ABR: variants seen among roughly 807,000 people sequenced by gnomAD.
ABR encodes ABR activator of RhoGEF and GTPase, also known as active breakpoint cluster region-related protein.
ABR carries 35 observed loss-of-function variants against 107.2 expected under a neutral mutation model. That is an observed-to-expected ratio of 0.33 (90% CI 0.25 to 0.43). The LOEUF (loss-of-function observed/expected upper bound fraction) is 0.43. Ranked by LOEUF, ABR falls within the 20% of genes least tolerant of loss-of-function variation. The pLI is 1.00. For missense variants in ABR, 815 were observed against 1,115.2 expected (o/e 0.73, Z 3.83); for synonymous variants, 498 against 462.0 (o/e 1.08, Z -1.00).
At chr17:1,054,055 G>A (rs1238978722) in intron 14 of ABR, among the ~76,000 whole-genome samples, 1 of 152,186 alleles carries the variant, frequency 6.6e-6, no homozygotes, top group African/African-American at 2.4e-5. Context: ...GCCGGAAGAC[G>A]TGGATTCTGC....
chr17:1,086,242 G>C (rs1026126639), intron 4 of ABR, among the ~76,000 whole-genome samples: 1 of 152,204 alleles, frequency 6.6e-6, no homozygotes, highest in Non-Finnish European at 1.5e-5. Flanking sequence ...GGAGCAAATG[G>C]CCTATGTGTG....
intron 6 of ABR, among the ~76,000 whole-genome samples, chr17:1,076,439 C>A (rs2035714537): frequency 2.0e-5 from 3 of 152,064 alleles, no homozygotes; most frequent in Admixed American, 6.6e-5. Flanking sequence ...CACTGGAGAA[C>A]CCCAGAGACC....
intron 16 of ABR, among the ~76,000 whole-genome samples, chr17:1,042,754 C>T (rs1033729741): frequency 2.6e-5 from 4 of 151,400 alleles, no homozygotes; most frequent in East Asian, 2.0e-4. Context: ...CATTCACGGA[C>T]GGATGGATGG....
chr17:1,050,294 G>A lies in ABR; in HGVS notation c.1660-113C>T. On this transcript the variant is annotated intron_variant, in intron 15 of 22. Transcript: ENST00000302538. The surrounding 1 kb of genome is among the most constrained non-coding windows in gnomAD (Gnocchi z 4.6). ...GGAGGGAGTAAGCACGGCCCACGAA[G>A]GACACGTCAGATTTTCTGGAGCTCC... 1.5e-6 allele frequency: 2 copies of A among 1,366,240 alleles called. No homozygotes were observed. The highest frequency in any genetic ancestry group is 1.4e-5 in the South Asian group (1 of 72,492). The allele number at this position is 1,366,240 out of a possible 1,614,324, so 84.6% of individuals were successfully genotyped here.
intron 1 of ABR, among the ~76,000 whole-genome samples, chr17:1,208,485 C>G (rs1387818797): frequency 6.6e-6 from 1 of 152,222 alleles, no homozygotes; most frequent in Admixed American, 6.5e-5. Flanking sequence ...AGAGCCACAT[C>G]TGTGGCAGAG....
chr17:1,179,796 G>T lies in ABR; in HGVS notation c.-69C>A. ...GCGCAACAAAGGAGGGAGAGCGGGC[G>T]GGAGCCGGGGGAGGCCGAAGTTGCG... On this transcript the variant is annotated 5_prime_UTR_variant, in exon 1 of 23. Coordinates refer to ENST00000302538, the MANE Select transcript of ABR (RefSeq NM_021962.5). This position sits in a 1 kb window ranked among gnomAD's most constrained non-coding sequence, Gnocchi z 4.9. 7.8e-6 allele frequency: 5 copies of T among 642,218 alleles called. 1 individual carries two copies. Among genetic ancestry groups the T allele is most frequent in the South Asian group, 4.0e-5 (2 of 49,748 alleles). The allele number at this position is 642,218 out of a possible 1,614,324, so 39.8% of individuals were successfully genotyped here.
At chr17:1,140,834 C>T (rs184452996) in intron 1 of ABR, among the ~76,000 whole-genome samples, 2 of 152,012 alleles carry the variant, frequency 1.3e-5, no homozygotes, top group African/African-American at 2.4e-5. Flanking sequence ...CCGCCCACCT[C>T]GGCTTCCCAA....
chr17:1,018,254 G>A (rs371054376), intron 16 of ABR, among the ~76,000 whole-genome samples: 1 of 151,480 alleles, frequency 6.6e-6, no homozygotes, highest in Non-Finnish European at 1.5e-5. Context: ...GTGTTAGCCA[G>A]GATGGTCTTG....
intron 1 of ABR, among the ~76,000 whole-genome samples, chr17:1,135,730 G>T (rs1406480707): frequency 6.6e-6 from 1 of 152,140 alleles, no homozygotes; most frequent in South Asian, 2.1e-4. Flanking sequence ...ACAAAAATCA[G>T]CTGGGCTTGG....
At chr17:1,028,027 C>T (rs979504495) in intron 16 of ABR, among the ~76,000 whole-genome samples, 10 of 151,950 alleles carry the variant, frequency 6.6e-5, no homozygotes, top group African/African-American at 1.9e-4. Flanking sequence ...AAGGAATAAA[C>T]GACAGGCTCT....
intron 2 of ABR, chr17:1,109,162 C>T (rs1014071583): frequency 1.4e-6 from 2 of 1,413,816 alleles, no homozygotes; most frequent in Non-Finnish European, 1.9e-6. Context: ...GGAGGGGGGG[C>T]AGGTCTACAC....
intron 1 of ABR, among the ~76,000 whole-genome samples, chr17:1,143,832 C>T (rs985155463): frequency 2.0e-5 from 3 of 152,098 alleles, no homozygotes; most frequent in Non-Finnish European, 4.4e-5. Flanking sequence ...GGGTGGCCAG[C>T]AGCCCTGGGC....
In ABR at chr17:1,177,320, C is replaced by T. The variant is rs559493482; in HGVS notation, c.61+2347G>A. 1.0e-3 allele frequency among the ~76,000 whole-genome samples: 154 copies of T among 152,300 alleles called. 5 individuals are homozygous for T. The South Asian group carries it at 0.031, about 30-fold the overall frequency. On this transcript the variant is annotated intron_variant, in intron 1 of 22. Transcript: ENST00000302538. ...GCTACAGCTCTCCACTAAGCTGTTC[C>T]GAAGAGGGAGGCAGGGACTCCTCAC...
intron 1 of ABR, among the ~76,000 whole-genome samples, chr17:1,194,062 T>C (rs2042497703): frequency 6.6e-6 from 1 of 152,172 alleles, no homozygotes; most frequent in African/African-American, 2.4e-5. Flanking sequence ...TGAATTTCCA[T>C]CCTCTTTCTC....
At position 1,178,437 on chromosome 17, in the gene ABR, A is replaced by ACG. The variant is rs2041988791; in HGVS notation, c.61+1229_61+1230insCG. Reference sequence around the variant, plus strand: ...AAATTAGCCGAGAGTGGTGGTGGGTACCTGTAATCCCAGCTACTCAGGAGG... The same window carrying ACG: ...AAATTAGCCGAGAGTGGTGGTGGGTACGCCTGTAATCCCAGCTACTCAGGAGG... On this transcript the variant is annotated intron_variant, in intron 1 of 22. Coordinates refer to ENST00000302538, the MANE Select transcript of ABR (RefSeq NM_021962.5). Among the ~76,000 whole-genome samples, 4 of 151,986 alleles carry ACG rather than the reference A, an allele frequency of 2.6e-5. No homozygotes were observed. In the South Asian group the frequency reaches 8.3e-4, roughly 32 times the overall value.
chr17:1,100,777 AG>A, intron 2 of ABR, 42 bp from the exon 3 acceptor site: 3 of 1,595,336 alleles, frequency 1.9e-6, no homozygotes, highest in Non-Finnish European at 2.6e-6. Flanking sequence ...ATGAGCAAGG[AG>A]GCCAAAACCC....
intron 16 of ABR, among the ~76,000 whole-genome samples, chr17:1,021,748 G>A (rs2071677489): frequency 6.6e-6 from 1 of 151,620 alleles, no homozygotes; most frequent in African/African-American, 2.4e-5. Context: ...AGGTTGCAGT[G>A]AGCCGGAGTT....
intron 16 of ABR, among the ~76,000 whole-genome samples, chr17:1,045,437 TACAGCAGGACAA>T (rs1180447292): frequency 1.3e-5 from 2 of 151,654 alleles, no homozygotes; most frequent in African/African-American, 4.8e-5. Flanking sequence ...TCCGTCTTCT[TACAGCAGGACAA>T]TCTTCCGTCT....
At chr17:1,063,267 G>A (rs1253912407) in intron 10 of ABR, among the ~76,000 whole-genome samples, 1 of 114,990 alleles carries the variant, frequency 8.7e-6, no homozygotes, top group Non-Finnish European at 1.9e-5. Context: ...CTGCTGTTAC[G>A]TGAACTGAGG....
Sources: allele counts gnomAD v4.1 joint callset (sites outside exome capture counted in the v4.1 genomes callset), GRCh38; gene constraint gnomAD v4.1.1; non-coding constraint Gnocchi (gnomAD v3.1); transcripts MANE v1.5; gene names NCBI Gene and HGNC (gene_info 2026-07-23, HGNC 2026-07-21).